CCDC91: variants seen among roughly 807,000 people sequenced by gnomAD.
The protein encoded by CCDC91 is coiled-coil domain-containing protein 91.
Under a neutral mutation model 63.2 loss-of-function variants are expected in CCDC91, and 48 were observed. That is an observed-to-expected ratio of 0.76 (90% CI 0.60 to 0.97). The LOEUF (loss-of-function observed/expected upper bound fraction) is 0.97, where lower values mean the gene tolerates loss of function less well. Among genes scored for constraint, CCDC91 ranks in the 50% least tolerant of loss-of-function variants. The probability of loss-of-function intolerance (pLI) is 0.00; values close to 1 mark genes in which losing one functional copy is unlikely to be tolerated. For synonymous variants in CCDC91, 167 were observed against 165.8 expected, an observed-to-expected ratio of 1.01 and a Z score of -0.06; for missense variants, 500 against 494.6, an observed-to-expected ratio of 1.01 and a Z score of -0.10.
intron 1 of CCDC91, among the ~76,000 whole-genome samples, chr12:28,239,387 A>T (rs1945181083): frequency 6.6e-6 from 1 of 152,118 alleles, no homozygotes; most frequent in South Asian, 2.1e-4. Flanking sequence ...GTGTTTATGT[A>T]TAAAGATTTT....
chr12:28,346,505 GA>G (rs1355291759), intron 6 of CCDC91, among the ~76,000 whole-genome samples: 1 of 152,146 alleles, frequency 6.6e-6, no homozygotes, highest in Non-Finnish European at 1.5e-5. Flanking sequence ...CTATTGTCTA[GA>G]AACTCTAACC....
intron 3 of CCDC91, among the ~76,000 whole-genome samples, chr12:28,270,760 C>T (rs1947714738): frequency 1.3e-5 from 2 of 152,058 alleles, no homozygotes; most frequent in South Asian, 4.1e-4. Context: ...GTGAAATTTA[C>T]TTCTCCTGAT....
chr12:28,412,864 A>C (rs1300869673), intron 8 of CCDC91: 1 of 443,416 alleles, frequency 2.3e-6, no homozygotes, highest in South Asian at 1.6e-5. Context: ...GTAAGACAGG[A>C]AAGTTCCCCA....
intron 6 of CCDC91, among the ~76,000 whole-genome samples, chr12:28,339,399 A>G (rs1036425286): frequency 6.6e-6 from 1 of 152,102 alleles, no homozygotes; most frequent in African/African-American, 2.4e-5. Flanking sequence ...TGAACCTGGC[A>G]TTAGGGGTTT....
intron 6 of CCDC91, among the ~76,000 whole-genome samples, chr12:28,337,664 G>T (rs1942092459): frequency 6.6e-6 from 1 of 151,474 alleles, no homozygotes; most frequent in Non-Finnish European, 1.5e-5. Context: ...CTCATCTATT[G>T]ATCCACTTAA....
intron 3 of CCDC91, among the ~76,000 whole-genome samples, chr12:28,269,009 C>A (rs2136338281): frequency 6.6e-6 from 1 of 152,110 alleles, no homozygotes; most frequent in Non-Finnish European, 1.5e-5. Context: ...GTTGAGGGAC[C>A]CACAGGAACA....
At chr12:28,204,472 A>G (rs1239470801) in intron 1 of CCDC91, among the ~76,000 whole-genome samples, 1 of 152,146 alleles carries the variant, frequency 6.6e-6, no homozygotes, top group Non-Finnish European at 1.5e-5. Flanking sequence ...GCTATGATAT[A>G]TTTCATCATT....
At chr12:28,384,272 G>A (rs1201012164) in intron 7 of CCDC91, among the ~76,000 whole-genome samples, 1 of 152,028 alleles carries the variant, frequency 6.6e-6, no homozygotes, top group African/African-American at 2.4e-5. Flanking sequence ...AATTATTACT[G>A]ATAGTAAGTA....
At chr12:28,499,100 T>C (rs1240974664) in intron 12 of CCDC91, among the ~76,000 whole-genome samples, 1 of 151,628 alleles carries the variant, frequency 6.6e-6, no homozygotes, top group East Asian at 1.9e-4. Context: ...GGGAAGCTTT[T>C]ATGGTCAGTT....
chr12:28,544,559 T>G (rs1942851216), intron 12 of CCDC91, among the ~76,000 whole-genome samples: 1 of 152,058 alleles, frequency 6.6e-6, no homozygotes, highest in Admixed American at 6.6e-5. Context: ...TGTATTTTGT[T>G]GGTAGAAGCT....
At chr12:28,382,264 G>A (rs1423950518) in intron 7 of CCDC91, among the ~76,000 whole-genome samples, 6 of 151,036 alleles carry the variant, frequency 4.0e-5, no homozygotes, top group Non-Finnish European at 7.4e-5. Context: ...TGAATTAATT[G>A]GGAGGAAAAT....
chr12:28,309,644 ATAT>A (rs1426250651), intron 6 of CCDC91, among the ~76,000 whole-genome samples: 3 of 152,218 alleles, frequency 2.0e-5, no homozygotes, highest in African/African-American at 7.2e-5. Context: ...ACCAGTCTTA[ATAT>A]TCATTCAGTC....
chr12:28,277,311 G>C (rs1473640204), intron 3 of CCDC91, among the ~76,000 whole-genome samples: 1 of 151,938 alleles, frequency 6.6e-6, no homozygotes, highest in African/African-American at 2.4e-5. Flanking sequence ...ATTACAGTTT[G>C]GGTTTTTTCT....
chr12:28,512,946 GTACTTCTTTAAGTCTCAGCTA>G (rs1381746027), intron 12 of CCDC91, among the ~76,000 whole-genome samples: 1 of 151,806 alleles, frequency 6.6e-6, no homozygotes, highest in African/African-American at 2.4e-5. Context: ...CCCTCATGCT[GTACTTCTTTAAGTCTCAGCTA>G]TGCTGTAAAA....
At chr12:28,282,543 C>T (rs1948674258) in intron 3 of CCDC91, among the ~76,000 whole-genome samples, 1 of 152,046 alleles carries the variant, frequency 6.6e-6, no homozygotes, top group South Asian at 2.1e-4. Flanking sequence ...TTTATCTTTG[C>T]ATTTGTGAAT....
intron 8 of CCDC91, among the ~76,000 whole-genome samples, chr12:28,398,953 C>T (rs796810): frequency 0.9 from 137,169 of 152,222 alleles, 63,403 homozygotes; most frequent in East Asian, 1. Context: ...CTTTTCACTT[C>T]TTGGATGGTA....
chr12:28,370,876 C>T (rs562438753), intron 7 of CCDC91, among the ~76,000 whole-genome samples: 8 of 152,218 alleles, frequency 5.3e-5, no homozygotes, highest in African/African-American at 1.9e-4. Flanking sequence ...TGTCAGATCT[C>T]ATGAGAACTC....
chr12:28,548,056 CA>C (rs1221872686), intron 12 of CCDC91, among the ~76,000 whole-genome samples: 3 of 151,928 alleles, frequency 2.0e-5, no homozygotes, highest in Non-Finnish European at 4.4e-5. Context: ...TTTTTAGGGC[CA>C]AAAAGTTTGA....
intron 12 of CCDC91, among the ~76,000 whole-genome samples, chr12:28,533,021 T>G (rs1180524490): frequency 1.3e-5 from 2 of 152,088 alleles, no homozygotes; most frequent in African/African-American, 4.8e-5. Flanking sequence ...TCAGAAAACC[T>G]TTATTAAACA....
Sources: allele counts gnomAD v4.1 joint callset (sites outside exome capture counted in the v4.1 genomes callset), GRCh38; gene constraint gnomAD v4.1.1; transcripts MANE v1.5; gene names NCBI Gene and HGNC (gene_info 2026-07-23, HGNC 2026-07-21).